Variants in OTUD7A observed in about 807,000 individuals in gnomAD.
OTUD7A encodes OTU deubiquitinase 7A.
In OTUD7A, 12 loss-of-function variants were observed where a neutral mutation model predicts 65.7. That is an observed-to-expected ratio of 0.18 (90% confidence interval 0.12 to 0.30). The LOEUF (loss-of-function observed/expected upper bound fraction) is 0.30. Among genes scored for constraint, OTUD7A ranks in the 10% least tolerant of loss-of-function variants. The pLI is 1.00. For missense variants in OTUD7A, 1,148 were observed against 1,304.8 expected (o/e 0.88, Z 1.85); for synonymous variants, 641 against 586.3 (o/e 1.09, Z -1.35).
At chr15:31,664,840 T>C (rs1892275607) in intron 1 of OTUD7A, among the ~76,000 whole-genome samples, 2 of 152,304 alleles carry the variant, frequency 1.3e-5, no homozygotes, top group African/African-American at 2.4e-5. Flanking sequence ...TTGTATAAAG[T>C]GAGAGATGAG....
rs55933929 is a variant in OTUD7A, at chr15:31,623,260, C to T, written c.151+31836G>A. ...CTGTCTGTTCTCAGATCTCAAACTC[C>T]GTGCTGGGAGAACCACTACTCTCTT... is the stretch of plus-strand genomic sequence containing the variant. On this transcript the variant is annotated intron_variant, in intron 3 of 12. Coordinates refer to ENST00000307050, the MANE Select transcript of OTUD7A (RefSeq NM_001382637.1). Among the ~76,000 whole-genome samples the T allele has an allele frequency of 3.8e-3, 582 of 152,304 alleles. 2 individuals are homozygous for T. The highest frequency in any genetic ancestry group is 4.7e-3 in the Non-Finnish European group (323 of 68,030).
Position 31,501,971 on chromosome 15 carries a change from G to A in OTUD7A, c.1022-132C>T, listed in dbSNP as rs899607307. ...AGCGGAGGGACAGGAGGGGTGGATG[G>A]AGGCGGTGCTGAGGGATGGGGCTGA... On this transcript the variant is annotated intron_variant, in intron 9 of 12. Transcript: ENST00000307050. The A allele has an allele frequency of 2.9e-6, 3 of 1,042,804 alleles. No homozygotes were observed. The East Asian group carries it at 7.7e-5, about 27-fold the overall frequency. 64.6% of individuals were successfully genotyped at this position (1,042,804 alleles called of 1,614,324 possible).
intron 3 of OTUD7A, among the ~76,000 whole-genome samples, chr15:31,577,577 T>TTA (rs1889240185): frequency 6.6e-6 from 1 of 152,130 alleles, no homozygotes; most frequent in Non-Finnish European, 1.5e-5. Context: ...CTCCCTAAAA[T>TTA]GTATAAAACA....
chr15:31,631,540 C>G (rs1891155014), intron 3 of OTUD7A, among the ~76,000 whole-genome samples: 1 of 152,192 alleles, frequency 6.6e-6, no homozygotes, highest in East Asian at 1.9e-4. Context: ...TGCATTTCAA[C>G]TTTGGTGAAT....
Position 31,698,905 on chromosome 15 carries a change from C to T in OTUD7A, c.-99-41828G>A, listed in dbSNP as rs533828025. Among the ~76,000 whole-genome samples the T allele has an allele frequency of 2.6e-3, 394 of 151,468 alleles. 1 individual carries two copies. Among genetic ancestry groups the T allele is most frequent in the Non-Finnish European group, 4.3e-3 (291 of 67,914 alleles). On this transcript the variant is annotated intron_variant, in intron 1 of 12. Coordinates refer to ENST00000307050, the MANE Select transcript of OTUD7A (RefSeq NM_001382637.1). The stretch of plus-strand genomic sequence containing the variant: ...TCTTTCTGAGCATCACATTGCCCTT[C>T]TTAAAAATAAGAGTAATGGCACCTA...
At chr15:31,490,114 C>G (rs1003758758) in intron 10 of OTUD7A, among the ~76,000 whole-genome samples, 2 of 152,224 alleles carry the variant, frequency 1.3e-5, no homozygotes, top group Non-Finnish European at 2.9e-5. Flanking sequence ...AGGTCCTCCT[C>G]GTGAGCAGCG....
intron 3 of OTUD7A, among the ~76,000 whole-genome samples, chr15:31,585,659 G>T (rs1381322692): frequency 6.6e-6 from 1 of 152,170 alleles, no homozygotes; most frequent in Non-Finnish European, 1.5e-5. Flanking sequence ...CTAAGTGGTG[G>T]TCTGAAAATC....
chr15:31,477,849 T>C lies in OTUD7A; in HGVS notation c.*5445A>G, dbSNP rs979476463. 5 of 125,094 alleles carry C rather than the reference T, an allele frequency of 4.0e-5. No individual in the cohort carries two copies. Among genetic ancestry groups the C allele is most frequent in the Non-Finnish European group, 1.6e-5 (1 of 62,932 alleles). 7.7% of individuals were successfully genotyped at this position (125,094 alleles called of 1,614,324 possible). A position where few individuals can be genotyped will look rare whatever the true frequency, so the allele number is the denominator to read the frequency against. On this transcript the variant is annotated 3_prime_UTR_variant, in exon 13 of 13. Coordinates refer to ENST00000307050, the MANE Select transcript of OTUD7A (RefSeq NM_001382637.1). Reference sequence around the variant, plus strand: ...ATGATTAACATCTGCAGCACTCAGATGGTGATAGGTGCACAAGAAGAAGAT... The same window carrying C: ...ATGATTAACATCTGCAGCACTCAGACGGTGATAGGTGCACAAGAAGAAGAT...
At chr15:31,507,905 A>G (rs919109685) in intron 8 of OTUD7A, among the ~76,000 whole-genome samples, 6 of 152,234 alleles carry the variant, frequency 3.9e-5, no homozygotes, top group South Asian at 2.1e-4. Context: ...ACCTCTCAGT[A>G]GGAGCAGAAA....
chr15:31,814,686 G>A (rs1896505003), intron 1 of OTUD7A, among the ~76,000 whole-genome samples: 1 of 151,914 alleles, frequency 6.6e-6, no homozygotes, highest in Admixed American at 6.6e-5. Context: ...ACCACACCCG[G>A]CTAACTTTTG....
In OTUD7A at chr15:31,855,663, T is replaced by C. The variant is rs116121162; in HGVS notation, c.-100+14844A>G. ...TGACCCATGTTATGTTCCTTGACAA[T>C]GTAAAAAGTTATAGGGTGAGTAACA... On this transcript the variant is annotated intron_variant, in intron 1 of 12. Transcript: ENST00000307050. 7.0e-3 allele frequency among the ~76,000 whole-genome samples: 1,069 copies of C among 152,278 alleles called. 15 individuals carry two copies. Among genetic ancestry groups the C allele is most frequent in the African/African-American group, 0.025 (1,029 of 41,548 alleles).
intron 3 of OTUD7A, among the ~76,000 whole-genome samples, chr15:31,574,202 A>G (rs1196692874): frequency 6.6e-6 from 1 of 152,214 alleles, no homozygotes; most frequent in African/African-American, 2.4e-5. Context: ...TGGTTAAAAA[A>G]GTAACCATTA....
At chr15:31,534,956 C>T (rs1373674613) in intron 5 of OTUD7A, among the ~76,000 whole-genome samples, 1 of 152,112 alleles carries the variant, frequency 6.6e-6, no homozygotes, top group African/African-American at 2.4e-5. Context: ...TGGACCTGTG[C>T]AGTTCAAACC....
intron 1 of OTUD7A, among the ~76,000 whole-genome samples, chr15:31,697,574 A>T (rs545557124): frequency 6.6e-6 from 1 of 151,138 alleles, no homozygotes; most frequent in Non-Finnish European, 1.5e-5. Flanking sequence ...CTTGGGGTTC[A>T]GGAGGTGAAA....
At chr15:31,728,324 A>C in intron 1 of OTUD7A, among the ~76,000 whole-genome samples, 1 of 152,022 alleles carries the variant, frequency 6.6e-6, no homozygotes, top group Non-Finnish European at 1.5e-5. Context: ...TTTCACTTCC[A>C]CCATCTGCCC....
chr15:31,623,721 G>T (rs1231888336), intron 3 of OTUD7A, among the ~76,000 whole-genome samples: 1 of 152,222 alleles, frequency 6.6e-6, no homozygotes, highest in Non-Finnish European at 1.5e-5. Flanking sequence ...CCCGGGTGAG[G>T]TGATGCCTCA....
chr15:31,526,716 C>T (rs1055191497), intron 7 of OTUD7A, among the ~76,000 whole-genome samples: 3 of 152,190 alleles, frequency 2.0e-5, no homozygotes, highest in African/African-American at 7.2e-5. Context: ...CTGGGGATGA[C>T]CGAGCATTAA....
At position 31,483,624 on chromosome 15, in the gene OTUD7A, C is replaced by T. The variant is rs2141059222; in HGVS notation, c.2472G>A (p.Leu824=). The part of the protein sequence containing the change: ...QSYSPARAAA[L]RTVNTVESLA... ...GCGACTCGACCGTGTTGACGGTGCGCAGGGCGGCGGCGCGCGCCGGGCTGT... is the reference window on the plus strand; with the variant it reads ...GCGACTCGACCGTGTTGACGGTGCGTAGGGCGGCGGCGCGCGCCGGGCTGT... The change falls in exon 13 of 13, where the codon CTG becomes CTA. Residue 824 remains leucine (L), a synonymous_variant. Coordinates refer to ENST00000307050, the MANE Select transcript of OTUD7A (RefSeq NM_001382637.1). The T allele has an allele frequency of 2.5e-6, 3 of 1,190,588 alleles. No individual in the cohort carries two copies. The highest frequency in any genetic ancestry group is 3.8e-5 in the East Asian group (1 of 26,460). The allele number at this position is 1,190,588 out of a possible 1,614,324, so 73.8% of individuals were successfully genotyped here.
At chr15:31,770,737 G>C (rs936954376) in intron 1 of OTUD7A, among the ~76,000 whole-genome samples, 5 of 152,160 alleles carry the variant, frequency 3.3e-5, no homozygotes, top group African/African-American at 1.2e-4. Flanking sequence ...TCCAGTAATA[G>C]AAGGTTGGTT....
Sources: allele counts gnomAD v4.1 joint callset (sites outside exome capture counted in the v4.1 genomes callset), GRCh38; gene constraint gnomAD v4.1.1; transcripts MANE v1.5; gene names NCBI Gene and HGNC (gene_info 2026-07-23, HGNC 2026-07-21).